The following POMT1 variants were observed in gnomAD, a reference collection of about 807,000 sequenced individuals.
POMT1 encodes protein O-mannosyltransferase 1.
A neutral mutation model predicts 101.6 loss-of-function variants in POMT1; 85 were observed. The observed-to-expected ratio is 0.84, with a 90% CI of 0.70 to 1.00. POMT1 has a LOEUF of 1.00. Ranked by LOEUF, POMT1 falls within the 50% of genes least tolerant of loss-of-function variation. The pLI is 0.00. For synonymous variants in POMT1, 371 were observed against 383.0 expected, an observed-to-expected ratio of 0.97 and a Z score of 0.37; for missense variants, 857 against 930.4, an observed-to-expected ratio of 0.92 and a Z score of 1.03.
chr9:131,513,810 C>T (rs2131719137), intron 12 of POMT1, among the ~76,000 whole-genome samples: 1 of 152,348 alleles, frequency 6.6e-6, no homozygotes, highest in Middle Eastern at 3.4e-3. Flanking sequence ...GGCACAGTTG[C>T]TCACACCCTC....
chr9:131,509,811 G>T lies in POMT1; in HGVS notation c.605+3G>T. On this transcript the variant is annotated splice_donor_region_variant and intron_variant, in intron 7 of 19. Transcript: ENST00000402686. ...GTCGCTTGTTCCTGTGCAGTGGGGTGAGTTTGAGCCTCTGGTCTTGGGCAG... is the reference window on the plus strand; with the variant it reads ...GTCGCTTGTTCCTGTGCAGTGGGGTTAGTTTGAGCCTCTGGTCTTGGGCAG... 6.2e-7 allele frequency: 1 copy of T among 1,614,232 alleles called. No homozygotes were observed. The highest frequency in any genetic ancestry group is 8.5e-7 in the Non-Finnish European group (1 of 1,180,038).
chr9:131,513,535 G>A (rs1947603569), intron 12 of POMT1, among the ~76,000 whole-genome samples: 1 of 152,174 alleles, frequency 6.6e-6, no homozygotes, highest in Non-Finnish European at 1.5e-5. Context: ...AGGAAGCAGG[G>A]GCTCTGTGAG....
At position 131,510,285 on chromosome 9, in the gene POMT1, C is replaced by T. The variant is rs1554774466; in HGVS notation, c.725C>T (p.Ala242Val). 6.2e-7 allele frequency: 1 copy of T among 1,614,226 alleles called. No homozygotes were observed. The change falls in exon 9 of 20, where the codon GCC becomes GTC. Residue 242 changes from alanine to valine, a missense_variant. Coordinates refer to ENST00000402686, the MANE Select transcript of POMT1 (RefSeq NM_001077365.2). Reference sequence around the variant, plus strand: ...GTCTGTGTGTTCTGTCACTTGCTCGCCCGAGCAGTGGCTTTGCTGGTCATC... The same window carrying T: ...GTCTGTGTGTTCTGTCACTTGCTCGTCCGAGCAGTGGCTTTGCTGGTCATC... ...SNVCVFCHLL[A>V]RAVALLVIPV...
chr9:131,521,310 G>A (rs369440401), intron 17 of POMT1, 36 bp from the exon 18 acceptor site: 6 of 1,613,768 alleles, frequency 3.7e-6, no homozygotes, highest in Non-Finnish European at 5.1e-6. Context: ...CTGAGCAGAG[G>A]GCAGGTGGCT....
intron 13 of POMT1, among the ~76,000 whole-genome samples, chr9:131,516,110 C>CTA (rs1166120820): frequency 7.5e-6 from 1 of 133,860 alleles, no homozygotes; most frequent in Non-Finnish European, 1.6e-5. Flanking sequence ...AGCACTTCCT[C>CTA]ACAGGGAGCA....
intron 17 of POMT1, 148 bp from the exon 18 acceptor site, chr9:131,521,198 A>G: frequency 9.5e-7 from 1 of 1,056,296 alleles, no homozygotes; most frequent in South Asian, 1.3e-5. Flanking sequence ...CCACAGTAGT[A>G]GTAAGGCCTA....
In POMT1 at chr9:131,515,860, G is replaced by GGACACTTCCTCACAC. The variant is rs1564367331; in HGVS notation, c.1272+339_1272+340insACACTTCCTCACACG. ...TCCTCACACGGAGCACTTCCTCACA[G>GGACACTTCCTCACAC]GGAGCACTTTCTCTAACACAGGACA... On this transcript the variant is annotated intron_variant, in intron 13 of 19. Transcript: ENST00000402686. 3.0e-3 allele frequency among the ~76,000 whole-genome samples: 38 copies of GGACACTTCCTCACAC among 12,472 alleles called. 10 individuals carry two copies. Among genetic ancestry groups the GGACACTTCCTCACAC allele is most frequent in the South Asian group, 0.022 (2 of 90 alleles). The allele number at this position is 12,472 out of a possible 152,430, so 8.2% of individuals were successfully genotyped here. A position where few individuals can be genotyped will look rare whatever the true frequency, so the allele number is the denominator to read the frequency against.
intron 12 of POMT1, among the ~76,000 whole-genome samples, chr9:131,515,087 C>T (rs1457824905): frequency 2.6e-5 from 4 of 152,270 alleles, no homozygotes; most frequent in Non-Finnish European, 5.9e-5. Context: ...AGCATTGGTA[C>T]TGCCAGCTGG....
In POMT1 at chr9:131,523,163, T is replaced by C; in HGVS notation, c.*57T>C. 3.8e-6 allele frequency: 6 copies of C among 1,581,154 alleles called. No individual in the cohort carries two copies. In the South Asian group the frequency reaches 6.8e-5, roughly 18 times the overall value. ...GGGTCGGGATGAGGTTGAAGGGTCT[T>C]GGTCAATGTACGTAATGAGCAGGGT... On this transcript the variant is annotated 3_prime_UTR_variant, in exon 20 of 20. Coordinates refer to ENST00000402686, the MANE Select transcript of POMT1 (RefSeq NM_001077365.2).
chr9:131,521,458 A>G lies in POMT1; in HGVS notation c.1811A>G (p.His604Arg). Residue 604 changes from histidine to arginine, a missense_variant, in exon 18 of 20, where the codon CAT becomes CGT. Coordinates refer to ENST00000402686, the MANE Select transcript of POMT1 (RefSeq NM_001077365.2). ...CTGCTCCGACGGCGAAGAAATGTCC[A>G]TGACCTCCCTCAGGGTTAGTACCTC... ...WYLLRRRRNV[H>R]DLPQDAWLRW... 5.6e-6 allele frequency: 9 copies of G among 1,614,028 alleles called. No homozygotes were observed. Among genetic ancestry groups the G allele is most frequent in the Non-Finnish European group, 6.8e-6 (8 of 1,180,016 alleles).
chr9:131,517,777 T>G (rs1949023976), intron 13 of POMT1, among the ~76,000 whole-genome samples: 1 of 152,154 alleles, frequency 6.6e-6, no homozygotes, highest in South Asian at 2.1e-4. Flanking sequence ...ACATTTCAGG[T>G]GTCTGAAGTT....
Position 131,505,767 on chromosome 9 carries a change from G to T in POMT1, c.123-347G>T, listed in dbSNP as rs1945665875. Among the ~76,000 whole-genome samples, 3 of 150,336 alleles carry T rather than the reference G, an allele frequency of 2.0e-5. No homozygotes were observed. In the East Asian group the frequency reaches 5.9e-4, roughly 29 times the overall value. On this transcript the variant is annotated intron_variant, in intron 2 of 19. Transcript: ENST00000402686. ...TGCTGCTGGTGGGGGCGGGGGTGGG[G>T]GGGTTGGGTAGGTGGGTAAGCAGGA...
intron 11 of POMT1, among the ~76,000 whole-genome samples, chr9:131,512,891 T>C (rs10793882): frequency 0.89 from 135,043 of 152,230 alleles, 60,608 homozygotes; most frequent in South Asian, 0.97. Context: ...GGATTGCAGG[T>C]GTGAGCCACC....
At chr9:131,508,082 A>G (rs2131615322) in intron 5 of POMT1, among the ~76,000 whole-genome samples, 1 of 151,666 alleles carries the variant, frequency 6.6e-6, no homozygotes, top group East Asian at 2.0e-4. Flanking sequence ...CGAAAAATAC[A>G]AAAAATTAGC....
Position 131,512,039 on chromosome 9 carries a change from A to T in POMT1, c.987-2A>T, listed in dbSNP as rs1453773610. ...ATACATCTCTTTGTTGACTTCACACAGATATGAGAACGGCCGAGGCAGCTC... is the reference window on the plus strand; with the variant it reads ...ATACATCTCTTTGTTGACTTCACACTGATATGAGAACGGCCGAGGCAGCTC... On this transcript the variant is annotated splice_acceptor_variant, in intron 10 of 19. Coordinates refer to ENST00000402686, the MANE Select transcript of POMT1 (RefSeq NM_001077365.2). LOFTEE classifies it high-confidence loss of function. The T allele has an allele frequency of 6.2e-7, 1 of 1,613,952 alleles. No homozygotes were observed. The highest frequency in any genetic ancestry group is 8.5e-7 in the Non-Finnish European group (1 of 1,179,976).
At chr9:131,520,229 T>C in intron 17 of POMT1, 36 bp downstream of exon 17, 1 of 1,536,016 alleles carries the variant, frequency 6.5e-7, no homozygotes, top group Non-Finnish European at 9.0e-7. Context: ...CAGTCATAGA[T>C]TCATCCTGTT....
At position 131,510,339 on chromosome 9, in the gene POMT1, A is replaced by G; in HGVS notation, c.779A>G (p.Tyr260Cys). Residue 260 changes from tyrosine to cysteine, a missense_variant, in exon 9 of 20, where the codon TAC (tyrosine) becomes TGC (cysteine). Coordinates refer to ENST00000402686, the MANE Select transcript of POMT1 (RefSeq NM_001077365.2). ...GTCGTCCTGTACTTACTGTTCTTCTACGTCCACTTGATTCTAGTCTTCCGC... is the reference window on the plus strand; with the variant it reads ...GTCGTCCTGTACTTACTGTTCTTCTGCGTCCACTTGATTCTAGTCTTCCGC... ...IPVVLYLLFF[Y>C]VHLILVFRSG... 6.2e-7 allele frequency: 1 copy of G among 1,614,156 alleles called. No homozygotes were observed. Among genetic ancestry groups the G allele is most frequent in the Non-Finnish European group, 8.5e-7 (1 of 1,180,022 alleles).
intron 2 of POMT1, among the ~76,000 whole-genome samples, chr9:131,504,792 T>TGTGTGTGTGTGTGTGTGTGTG (rs71372738): frequency 6.6e-6 from 1 of 150,994 alleles, no homozygotes; most frequent in African/African-American, 2.4e-5. Context: ...TGTGTGTGTG[T>TGTGTGTGTGTGTGTGTGTGTG]TTTTGAGACG....
At position 131,522,524 on chromosome 9, in the gene POMT1, C is replaced by G. The variant is rs979874740; in HGVS notation, c.2003+300C>G. ...GGGAGCAGGGAGCAAGGCCCAGGAG[C>G]CTGGGGTGTCAGAAACGGCAGCTGG... is the stretch of plus-strand genomic sequence containing the variant. On this transcript the variant is annotated intron_variant, in intron 19 of 19. Transcript: ENST00000402686. This position sits in a 1 kb window ranked among gnomAD's most constrained non-coding sequence, Gnocchi z 5.5. 51 of 557,922 alleles carry G rather than the reference C, an allele frequency of 9.1e-5. No homozygotes were observed. The highest frequency in any genetic ancestry group is 9.8e-4 in the Middle Eastern group (2 of 2,034). 34.6% of individuals were successfully genotyped at this position (557,922 alleles called of 1,614,324 possible).
Sources: gnomAD v4.1 joint callset for allele counts (sites outside exome capture counted in the v4.1 genomes callset) on GRCh38, gnomAD v4.1.1 for gene constraint, Gnocchi (gnomAD v3.1) non-coding constraint, MANE v1.5 for transcripts, NCBI Gene and HGNC (gene_info 2026-07-23, HGNC 2026-07-21) for gene names.